Variants in ADGRD1 observed in about 807,000 individuals in gnomAD.
ADGRD1 encodes G-protein coupled receptor 133.
A neutral mutation model predicts 113.4 loss-of-function variants in ADGRD1; 77 were observed. That is an observed-to-expected ratio of 0.68 (90% CI 0.57 to 0.82). The LOEUF is 0.82. Among genes scored for constraint, ADGRD1 ranks in the 40% least tolerant of loss-of-function variants. The pLI is 0.00. For synonymous variants in ADGRD1, 474 were observed against 475.0 expected (o/e 1.00, Z 0.03); for missense variants, 1,036 against 1,139.1 (o/e 0.91, Z 1.30).
rs534205965 is a variant in ADGRD1 at position 131,084,918 on chromosome 12, G to A, written c.1671+255G>A. On this transcript the variant is annotated intron_variant, in intron 15 of 24. Coordinates refer to ENST00000261654, the MANE Select transcript of ADGRD1 (RefSeq NM_198827.5). The surrounding 1 kb of genome is among the most constrained non-coding windows in gnomAD (Gnocchi z 4.5). ...AGTGTGGTGTGCTTCGCACAGCAAC[G>A]CCCAGACTGCACCTGGGGGGATCCA... Among the ~76,000 whole-genome samples the A allele has an allele frequency of 3.3e-5, 5 of 152,184 alleles. No individual in the cohort carries two copies. Among genetic ancestry groups the A allele is most frequent in the East Asian group, 1.9e-4 (1 of 5,146 alleles).
intron 12 of ADGRD1, among the ~76,000 whole-genome samples, chr12:131,011,668 G>A (rs1593354124): frequency 1.3e-5 from 2 of 152,354 alleles, no homozygotes; most frequent in African/African-American, 2.4e-5. Context: ...ATCATGCTGC[G>A]TGTTTAGGGC....
At chr12:130,994,154 G>A (rs1874856037) in intron 8 of ADGRD1, 2 of 367,224 alleles carry the variant, frequency 5.4e-6, no homozygotes, top group Admixed American at 5.7e-5. Context: ...GGGCTCCGAA[G>A]GGAAGGACCC....
At chr12:130,997,197 C>A (rs905921955) in intron 8 of ADGRD1, among the ~76,000 whole-genome samples, 1 of 143,184 alleles carries the variant, frequency 7.0e-6, no homozygotes, top group Admixed American at 6.8e-5. Context: ...GACCCCCCCC[C>A]CCGGACGGGG....
intron 13 of ADGRD1, among the ~76,000 whole-genome samples, chr12:131,038,122 C>T (rs1009251070): frequency 6.6e-6 from 1 of 152,252 alleles, no homozygotes; most frequent in Non-Finnish European, 1.5e-5. Context: ...GTCTCACTCA[C>T]TGCATCATTT....
At chr12:131,045,356 T>A (rs1882582801) in intron 13 of ADGRD1, among the ~76,000 whole-genome samples, 1 of 152,172 alleles carries the variant, frequency 6.6e-6, no homozygotes, top group Admixed American at 6.5e-5. Flanking sequence ...CCTGGTGCCA[T>A]CATGTTGGTC....
At chr12:131,094,442 T>A (rs573542111) in intron 15 of ADGRD1, among the ~76,000 whole-genome samples, 1 of 152,138 alleles carries the variant, frequency 6.6e-6, no homozygotes, top group East Asian at 1.9e-4. Flanking sequence ...GCCCTGTTGA[T>A]GGGGGTGGGG....
chr12:131,125,040 T>C (rs1285650234), intron 20 of ADGRD1, among the ~76,000 whole-genome samples: 3 of 152,220 alleles, frequency 2.0e-5, no homozygotes, highest in Non-Finnish European at 2.9e-5. Flanking sequence ...TTTCCCTGTG[T>C]CCTCACATGC....
intron 13 of ADGRD1, among the ~76,000 whole-genome samples, chr12:131,032,677 A>G (rs943148833): frequency 1.3e-5 from 2 of 151,878 alleles, no homozygotes; most frequent in African/African-American, 4.9e-5. Context: ...ACCCCGTCAC[A>G]GAGATGACAT....
intron 24 of ADGRD1, 109 bp from the exon 25 acceptor site, chr12:131,139,059 A>T (rs1240887721): frequency 3.9e-6 from 3 of 774,812 alleles, no homozygotes; most frequent in Non-Finnish European, 6.4e-6. Flanking sequence ...TTCCTCCCGC[A>T]GGGAGAATCC....
chr12:130,991,777 A>ATT, intron 7 of ADGRD1, among the ~76,000 whole-genome samples: 1 of 152,118 alleles, frequency 6.6e-6, no homozygotes, highest in Admixed American at 6.5e-5. Context: ...AGACAGGAGG[A>ATT]CTGCTCGAGT....
chr12:130,984,716 C>A lies in ADGRD1; in HGVS notation c.491-2379C>A, dbSNP rs571310515. Reference sequence around the variant, plus strand: ...CTATGGGTTGGTGAGGTTGATCTTTCGCCCATTTTAAAAATTGGATTGTTT... The same window carrying A: ...CTATGGGTTGGTGAGGTTGATCTTTAGCCCATTTTAAAAATTGGATTGTTT... On this transcript the variant is annotated intron_variant, in intron 5 of 24. Coordinates refer to ENST00000261654, the MANE Select transcript of ADGRD1 (RefSeq NM_198827.5). This position sits in a 1 kb window ranked among gnomAD's most constrained non-coding sequence, Gnocchi z 4.1. Among the ~76,000 whole-genome samples, 1 of 151,930 alleles carries A rather than the reference C, an allele frequency of 6.6e-6. No individual in the cohort carries two copies. Among genetic ancestry groups the A allele is most frequent in the African/African-American group, 2.4e-5 (1 of 41,348 alleles).
intron 8 of ADGRD1, among the ~76,000 whole-genome samples, chr12:130,993,372 T>TTTCATTCATTCATTCATTCATTCA (rs55716628): frequency 7.1e-6 from 1 of 141,020 alleles, no homozygotes; most frequent in Non-Finnish European, 1.5e-5. Context: ...ACTTCTCAGA[T>TTTCATTCATTCATTCATTCATTCA]TTCATTCATT....
Position 131,054,792 on chromosome 12 carries a change from G to A in ADGRD1, c.1474-22009G>A, listed in dbSNP as rs566559643. Among the ~76,000 whole-genome samples the A allele has an allele frequency of 5.9e-5, 9 of 152,290 alleles. 1 individual carries two copies. The highest frequency in any genetic ancestry group is 1.9e-4 in the African/African-American group (8 of 41,566). ...GTTCCCCTCGCTGCTGCAGCGTCTG[G>A]GAACTGTCTCAAGGCTGAGCTCCGG... On this transcript the variant is annotated intron_variant, in intron 13 of 24. Transcript: ENST00000261654.
intron 2 of ADGRD1, among the ~76,000 whole-genome samples, chr12:130,955,699 C>G (rs1026803519): frequency 6.6e-6 from 1 of 152,226 alleles, no homozygotes; most frequent in Admixed American, 6.5e-5. Context: ...CCCGCCCCAC[C>G]AGAGCTTGGC....
intron 15 of ADGRD1, among the ~76,000 whole-genome samples, chr12:131,085,475 T>C (rs2137218250): frequency 1.3e-5 from 2 of 152,004 alleles, no homozygotes; most frequent in Middle Eastern, 6.8e-3. Flanking sequence ...GGGAGGAGCG[T>C]GAGTTTCATT....
chr12:131,051,936 T>A (rs1264374389), intron 13 of ADGRD1, among the ~76,000 whole-genome samples: 1 of 152,220 alleles, frequency 6.6e-6, no homozygotes, highest in African/African-American at 2.4e-5. Context: ...AGGATCAAGT[T>A]TGCTTCAAAG....
intron 20 of ADGRD1, among the ~76,000 whole-genome samples, chr12:131,127,912 G>T (rs7314645): frequency 7.1e-4 from 39 of 55,070 alleles, no homozygotes; most frequent in African/African-American, 2.8e-3. Context: ...GTGTTGGTTG[G>T]GTTGGTTGTG....
chr12:131,051,297 C>G (rs1566066617), intron 13 of ADGRD1, among the ~76,000 whole-genome samples: 1 of 152,170 alleles, frequency 6.6e-6, no homozygotes, highest in Non-Finnish European at 1.5e-5. Flanking sequence ...TAGCCAATGG[C>G]CTGCTTCATT....
chr12:131,006,236 A>G (rs1877099816), intron 12 of ADGRD1, among the ~76,000 whole-genome samples, 189 bp downstream of exon 12: 2 of 152,238 alleles, frequency 1.3e-5, no homozygotes, highest in South Asian at 2.1e-4. Context: ...GGCTGGGGCC[A>G]GGCTGGTGGA....
Sources: allele counts gnomAD v4.1 joint callset (sites outside exome capture counted in the v4.1 genomes callset), GRCh38; gene constraint gnomAD v4.1.1; non-coding constraint Gnocchi (gnomAD v3.1); transcripts MANE v1.5; gene names NCBI Gene and HGNC (gene_info 2026-07-23, HGNC 2026-07-21).